Variants in LRCH1 observed in about 807,000 individuals in gnomAD.
The protein encoded by LRCH1 is leucine-rich repeat and calponin homology domain-containing protein 1.
A neutral mutation model predicts 94.9 loss-of-function variants in LRCH1; 23 were observed. The observed-to-expected ratio is 0.24, with a 90% CI of 0.17 to 0.34. The LOEUF (loss-of-function observed/expected upper bound fraction) is 0.34, where lower values mean the gene tolerates loss of function less well. Ranked by LOEUF, LRCH1 falls within the 10% of genes least tolerant of loss-of-function variation. The pLI, the probability that LRCH1 is intolerant of heterozygous loss-of-function variation, is 1.00. For synonymous variants in LRCH1, 364 were observed against 354.9 expected (o/e 1.03, Z -0.29); for missense variants, 790 against 945.9 (o/e 0.84, Z 2.16).
chr13:46,556,753 A>G (rs1038115449), intron 1 of LRCH1, among the ~76,000 whole-genome samples: 1 of 152,114 alleles, frequency 6.6e-6, no homozygotes, highest in African/African-American at 2.4e-5. Flanking sequence ...TCTTGACCAT[A>G]TTCTCATCAA....
At chr13:46,707,464 C>T (rs1389986157) in intron 13 of LRCH1, among the ~76,000 whole-genome samples, 6 of 152,098 alleles carry the variant, frequency 3.9e-5, no homozygotes, top group Admixed American at 3.9e-4. Context: ...ATTTCTCCAC[C>T]GTGTAATTGC....
At chr13:46,629,540 C>T (rs941977544) in intron 1 of LRCH1, among the ~76,000 whole-genome samples, 2 of 152,190 alleles carry the variant, frequency 1.3e-5, no homozygotes, top group African/African-American at 2.4e-5. Flanking sequence ...CTGTCTTCAG[C>T]AAGCCCCAGC....
intron 1 of LRCH1, among the ~76,000 whole-genome samples, chr13:46,590,282 C>G (rs780447865): frequency 3.3e-5 from 5 of 152,156 alleles, no homozygotes; most frequent in East Asian, 3.8e-4. Flanking sequence ...TGTCCTCCCC[C>G]CTTCACCCTA....
At chr13:46,625,320 T>G (rs1328169505) in intron 1 of LRCH1, among the ~76,000 whole-genome samples, 1 of 152,254 alleles carries the variant, frequency 6.6e-6, no homozygotes, top group Non-Finnish European at 1.5e-5. Flanking sequence ...AACAATACTA[T>G]GGACTGCGTT....
chr13:46,559,040 C>A (rs889959788), intron 1 of LRCH1, among the ~76,000 whole-genome samples: 4 of 152,202 alleles, frequency 2.6e-5, no homozygotes, highest in African/African-American at 9.7e-5. Context: ...AGGCTGACTT[C>A]CACACCCTAT....
At chr13:46,745,367 C>T (rs1172698740), downstream of LRCH1, among the ~76,000 whole-genome samples, 1 of 151,754 alleles carries the variant, frequency 6.6e-6, no homozygotes, top group Non-Finnish European at 1.5e-5. Flanking sequence ...TGTGGTGGAA[C>T]GGGTACAGGA....
intron 19 of LRCH1, among the ~76,000 whole-genome samples, chr13:46,736,337 G>A (rs1300202503): frequency 6.6e-6 from 1 of 152,124 alleles, no homozygotes; most frequent in Non-Finnish European, 1.5e-5. Flanking sequence ...GCATTTTCCT[G>A]TATACTCAAA....
At chr13:46,603,167 C>T (rs995004841) in intron 1 of LRCH1, among the ~76,000 whole-genome samples, 3 of 151,944 alleles carry the variant, frequency 2.0e-5, no homozygotes, top group African/African-American at 7.3e-5. Context: ...ATGCACGGAG[C>T]AGAGACACGG....
intron 2 of LRCH1, among the ~76,000 whole-genome samples, chr13:46,668,381 G>T (rs1450438444): frequency 6.6e-6 from 1 of 152,132 alleles, no homozygotes; most frequent in Non-Finnish European, 1.5e-5. Flanking sequence ...GTTCCACTTT[G>T]CCAGAAGACC....
chr13:46,630,354 G>A (rs192593310), intron 1 of LRCH1, among the ~76,000 whole-genome samples: 41 of 152,210 alleles, frequency 2.7e-4, no homozygotes, highest in African/African-American at 9.2e-4. Context: ...CCAAAATTAC[G>A]GAAGGTTATC....
At chr13:46,650,406 C>A (rs1160040832) in intron 2 of LRCH1, 61 bp downstream of exon 2, 2 of 1,385,244 alleles carry the variant, frequency 1.4e-6, no homozygotes, top group Non-Finnish European at 1.9e-6. Context: ...CTTATGCTTT[C>A]ATTTCTATCC....
At chr13:46,650,600 C>A (rs1213178062) in intron 2 of LRCH1, among the ~76,000 whole-genome samples, 2 of 150,052 alleles carry the variant, frequency 1.3e-5, no homozygotes, top group Non-Finnish European at 2.9e-5. Context: ...ATCATTTATT[C>A]TCTTTGTCTA....
At chr13:46,677,255 CAAAAAAAAAAA>C (rs67827727) in intron 3 of LRCH1, among the ~76,000 whole-genome samples, 3 of 98,076 alleles carry the variant, frequency 3.1e-5, no homozygotes, top group Admixed American at 1.2e-4. Flanking sequence ...ACTAAAAATA[CAAAAAAAAAAA>C]AAAAAAAAAA....
At chr13:46,695,495 G>T (rs981904233) in intron 9 of LRCH1, among the ~76,000 whole-genome samples, 1 of 152,158 alleles carries the variant, frequency 6.6e-6, no homozygotes, top group Non-Finnish European at 1.5e-5. Flanking sequence ...GCATTGAAAG[G>T]ACAGGTGAAG....
chr13:46,736,118 CTGTGTGTGTGTGTGTGTG>C (rs3138585), intron 19 of LRCH1, among the ~76,000 whole-genome samples: 2 of 142,298 alleles, frequency 1.4e-5, no homozygotes, highest in South Asian at 2.3e-4. Flanking sequence ...CAAATTTGCT[CTGTGTGTGTGTGTGTGTG>C]TGTGTGTGTG....
intron 16 of LRCH1, among the ~76,000 whole-genome samples, chr13:46,721,731 C>CA (rs1872589048): frequency 6.6e-6 from 1 of 152,212 alleles, no homozygotes; most frequent in African/African-American, 2.4e-5. Context: ...GCAGAGGCCC[C>CA]AGGCCACAAG....
chr13:46,704,724 A>G (rs1018294487), intron 11 of LRCH1, among the ~76,000 whole-genome samples: 3 of 152,076 alleles, frequency 2.0e-5, no homozygotes, highest in African/African-American at 7.2e-5. Context: ...CTATAATGTA[A>G]TACTCTCAGC....
intron 1 of LRCH1, among the ~76,000 whole-genome samples, chr13:46,641,135 G>T (rs980000079): frequency 1.3e-5 from 2 of 152,174 alleles, no homozygotes; most frequent in Non-Finnish European, 2.9e-5. Context: ...GCTGGGTGGG[G>T]TGTCTAGAGG....
Position 46,630,322 on chromosome 13 carries a change from A to G in LRCH1, c.308-19879A>G, listed in dbSNP as rs2051003397. 2.0e-5 allele frequency among the ~76,000 whole-genome samples: 3 copies of G among 152,172 alleles called. 1 individual carries two copies. The highest frequency in any genetic ancestry group is 2.0e-4 in the Admixed American group (3 of 15,278). On this transcript the variant is annotated intron_variant, in intron 1 of 19. Coordinates refer to ENST00000389797, the MANE Select transcript of LRCH1 (RefSeq NM_001164211.2). ...TTGATTATAAGTTATAAAAATGGGC[A>G]TTCTCTTTGTGATCTTAGCTTCCAA...
Sources: gnomAD v4.1 joint callset for allele counts (sites outside exome capture counted in the v4.1 genomes callset) on GRCh38, gnomAD v4.1.1 for gene constraint, MANE v1.5 for transcripts, NCBI Gene and HGNC (gene_info 2026-07-23, HGNC 2026-07-21) for gene names.